Variants in CSMD2 observed in about 807,000 individuals in gnomAD.
The protein encoded by CSMD2 is CUB and Sushi multiple domains 2.
In CSMD2, 130 loss-of-function variants were observed where a neutral mutation model predicts 398.5. The observed-to-expected ratio is 0.33, with a 90% CI of 0.28 to 0.38. The LOEUF is 0.38. Among genes scored for constraint, CSMD2 ranks in the 10% least tolerant of loss-of-function variants. CSMD2 has a pLI of 1.00. For synonymous variants in CSMD2, 1,828 were observed against 1,908.5 expected, an observed-to-expected ratio of 0.96 and a Z score of 1.10; for missense variants, 3,829 against 4,764.9, an observed-to-expected ratio of 0.80 and a Z score of 5.78.
chr1:34,007,058 G>A (rs1214473292), intron 3 of CSMD2, among the ~76,000 whole-genome samples: 1 of 152,084 alleles, frequency 6.6e-6, no homozygotes, highest in African/African-American at 2.4e-5. Context: ...AGAGCATCCT[G>A]GTGCCCACTT....
At chr1:33,646,193 C>G (rs1643414983) in intron 29 of CSMD2, among the ~76,000 whole-genome samples, 1 of 152,170 alleles carries the variant, frequency 6.6e-6, no homozygotes, top group African/African-American at 2.4e-5. Flanking sequence ...GAGGTCTAAG[C>G]ACCATGACCC....
intron 5 of CSMD2, among the ~76,000 whole-genome samples, chr1:33,866,665 C>T (rs750719697): frequency 9.2e-5 from 14 of 152,204 alleles, no homozygotes; most frequent in South Asian, 4.1e-4. Flanking sequence ...TCACCCCTCA[C>T]GGAGAGCTAT....
intron 1 of CSMD2, among the ~76,000 whole-genome samples, chr1:34,145,527 G>A (rs1241790909): frequency 6.6e-6 from 1 of 152,204 alleles, no homozygotes; most frequent in African/African-American, 2.4e-5. Context: ...GGTGGGATCT[G>A]GGGAGAGCTG....
intron 2 of CSMD2, among the ~76,000 whole-genome samples, chr1:34,075,075 G>C (rs923053631): frequency 1.3e-5 from 2 of 152,216 alleles, no homozygotes; most frequent in African/African-American, 4.8e-5. Flanking sequence ...TCTGATACCT[G>C]GCATTCCTGT....
At chr1:34,162,875 A>G (rs1446554625) in intron 1 of CSMD2, among the ~76,000 whole-genome samples, 1 of 152,236 alleles carries the variant, frequency 6.6e-6, no homozygotes, top group Admixed American at 6.5e-5. Flanking sequence ...AAATTTAAAA[A>G]GAAAGAGAAG....
chr1:33,808,277 T>C (rs1045930997), intron 10 of CSMD2, among the ~76,000 whole-genome samples: 1 of 152,034 alleles, frequency 6.6e-6, no homozygotes, highest in African/African-American at 2.4e-5. Flanking sequence ...ACAAGCTTGA[T>C]GTAATGGACA....
chr1:33,545,883 T>C (rs1268114082), intron 57 of CSMD2, among the ~76,000 whole-genome samples, 154 bp downstream of exon 57: 2 of 152,194 alleles, frequency 1.3e-5, no homozygotes, highest in South Asian at 4.1e-4. Flanking sequence ...AAAATGCACA[T>C]GAATTATCTG....
chr1:33,995,178 T>C lies in CSMD2; in HGVS notation c.517+37416A>G, dbSNP rs562245132. Among the ~76,000 whole-genome samples the C allele has an allele frequency of 4.6e-5, 7 of 152,220 alleles. No homozygotes were observed. The South Asian group carries it at 1.5e-3, about 32-fold the overall frequency. ...GTGATGAAGAGAAAGAGAAGAAAGG[T>C]TCTCCAAGAGTGTAAATTATCCACA... On this transcript the variant is annotated intron_variant, in intron 3 of 70. Transcript: ENST00000373381.
chr1:33,871,966 G>A (rs1422322559), intron 5 of CSMD2, among the ~76,000 whole-genome samples: 5 of 152,136 alleles, frequency 3.3e-5, no homozygotes, highest in Non-Finnish European at 5.9e-5. Context: ...ATCCATGGAT[G>A]GATTAACCCA....
Position 33,567,976 on chromosome 1 carries a change from C to CACCCCAAATCCCAAGGTTGT in CSMD2, c.8132-155_8132-136dup, listed in dbSNP as rs1553142354. 21 of 1,039,740 alleles carry CACCCCAAATCCCAAGGTTGT rather than the reference C, an allele frequency of 2.0e-5. No individual in the cohort carries two copies. In the Middle Eastern group the frequency reaches 9.4e-4, roughly 47 times the overall value. 64.4% of individuals were successfully genotyped at this position (1,039,740 alleles called of 1,614,324 possible). On this transcript the variant is annotated intron_variant, in intron 52 of 70. Coordinates refer to ENST00000373381, the MANE Select transcript of CSMD2 (RefSeq NM_001281956.2). Reference sequence around the variant, plus strand: ...GACAAAAATAGTGTTGAGGACTTGGCACCCCAAATCCCAAGGTTGTACCCC... The same window carrying CACCCCAAATCCCAAGGTTGT: ...GACAAAAATAGTGTTGAGGACTTGGCACCCCAAATCCCAAGGTTGTACCCCAAATCCCAAGGTTGTACCCC...
intron 5 of CSMD2, chr1:33,875,394 T>C (rs911211): frequency 0.64 from 97,451 of 151,778 alleles, 31,574 homozygotes; most frequent in African/African-American, 0.76. Context: ...GACTGACATG[T>C]TTTGGGCGTT....
intron 1 of CSMD2, among the ~76,000 whole-genome samples, chr1:34,093,026 G>A (rs1244125652): frequency 1.3e-5 from 2 of 152,310 alleles, no homozygotes; most frequent in African/African-American, 4.8e-5. Context: ...GCTTTGAAGA[G>A]AGCAGTGGTT....
chr1:33,860,046 TC>T (rs1470084655), intron 5 of CSMD2, among the ~76,000 whole-genome samples: 1 of 152,198 alleles, frequency 6.6e-6, no homozygotes, highest in Non-Finnish European at 1.5e-5. Flanking sequence ...AATGTTGGCA[TC>T]TTACATAACC....
chr1:33,840,146 A>G (rs1326597441), intron 6 of CSMD2: 1 of 152,214 alleles, frequency 6.6e-6, no homozygotes, highest in Admixed American at 6.5e-5. Flanking sequence ...TCTAGTTCCC[A>G]GAATAGTGCT....
intron 1 of CSMD2, among the ~76,000 whole-genome samples, chr1:34,129,671 A>G (rs898543105): frequency 5.9e-5 from 9 of 152,126 alleles, no homozygotes; most frequent in African/African-American, 2.2e-4. Flanking sequence ...AATAAATAAA[A>G]TAAAATAAAA....
At chr1:33,553,740 AC>A (rs1281778018) in intron 55 of CSMD2, among the ~76,000 whole-genome samples, 1 of 152,222 alleles carries the variant, frequency 6.6e-6, no homozygotes, top group Non-Finnish European at 1.5e-5. Flanking sequence ...TTCCGTGAAT[AC>A]ATGAATAAGA....
chr1:33,711,442 T>C (rs1645984768), intron 21 of CSMD2, among the ~76,000 whole-genome samples: 1 of 152,336 alleles, frequency 6.6e-6, no homozygotes, highest in Non-Finnish European at 1.5e-5. Context: ...CATAAGACTG[T>C]AGAATCAACG....
At chr1:33,849,345 C>G (rs910650493) in intron 5 of CSMD2, among the ~76,000 whole-genome samples, 3 of 152,138 alleles carry the variant, frequency 2.0e-5, no homozygotes, top group Non-Finnish European at 4.4e-5. Context: ...CTACCAATAC[C>G]TGCAACATGG....
At chr1:33,749,216 A>G (rs61234647) in intron 13 of CSMD2, among the ~76,000 whole-genome samples, 5,130 of 146,704 alleles carry the variant, frequency 0.035, 276 homozygotes, top group African/African-American at 0.12. Flanking sequence ...CTCTTGCCTC[A>G]GCATCCCGAG....
Sources: gnomAD v4.1 joint callset for allele counts (sites outside exome capture counted in the v4.1 genomes callset) on GRCh38, gnomAD v4.1.1 for gene constraint, MANE v1.5 for transcripts, NCBI Gene and HGNC (gene_info 2026-07-23, HGNC 2026-07-21) for gene names.